MRPL3: variants seen among roughly 807,000 people sequenced by gnomAD.
The protein encoded by MRPL3 is large ribosomal subunit protein uL3m.
Under a neutral mutation model 44.3 loss-of-function variants are expected in MRPL3, and 43 were observed. The ratio of observed to expected loss-of-function variants is 0.97; its 90% CI spans 0.76 to 1.25. MRPL3 has a LOEUF of 1.25. MRPL3 is among the 50% of genes most tolerant of loss of function. MRPL3 has a pLI of 0.00. For synonymous variants in MRPL3, 171 were observed against 152.3 expected, an observed-to-expected ratio of 1.12 and a Z score of -0.91; for missense variants, 406 against 427.6, an observed-to-expected ratio of 0.95 and a Z score of 0.45.
rs1559837992 is a variant in MRPL3, at chr3:131,502,960, GA to G, written c.-140del. The G allele has an allele frequency of 1.3e-6, 1 of 793,704 alleles. No individual in the cohort carries two copies. The highest frequency in any genetic ancestry group is 2.7e-5 in the East Asian group (1 of 36,946). 49.2% of individuals were successfully genotyped at this position (793,704 alleles called of 1,614,324 possible). A position where few individuals can be genotyped will look rare whatever the true frequency, so the allele number is the denominator to read the frequency against. ...ATGGCCGCCGGAACGGTCGCCGGCC[GA>G]TGCTCTCTGCGACGGAAAGAAAGCC... is the stretch of plus-strand genomic sequence containing the variant. On this transcript the variant is annotated 5_prime_UTR_variant, in exon 1 of 10. Transcript: ENST00000264995.
rs56680172 is a variant in MRPL3, at chr3:131,486,444, A to AATT, written c.629+1235_629+1236insAAT. Among the ~76,000 whole-genome samples, 15 of 139,438 alleles carry AATT rather than the reference A, an allele frequency of 1.1e-4. No individual in the cohort carries two copies. The South Asian group carries it at 1.3e-3, about 13-fold the overall frequency. 91.5% of individuals were successfully genotyped at this position (139,438 alleles called of 152,430 possible). Reference sequence around the variant, plus strand: ...AGGCAACCTACAGAATGGGAGAAAAATTTTTTTTTTTTTTTATTATACTCT... The same window carrying AATT: ...AGGCAACCTACAGAATGGGAGAAAAAATTTTTTTTTTTTTTTTTATTATACTCT... On this transcript the variant is annotated intron_variant, in intron 6 of 9. Transcript: ENST00000264995.
At chr3:131,501,926 T>C (rs762545945) in intron 1 of MRPL3, 4 of 1,534,760 alleles carry the variant, frequency 2.6e-6, no homozygotes, top group Middle Eastern at 1.8e-4. Flanking sequence ...GTCGTTACCC[T>C]GGAGAAAAAA....
intron 8 of MRPL3, 138 bp downstream of exon 8, chr3:131,469,558 A>G (rs1383170709): frequency 3.5e-5 from 19 of 546,254 alleles, no homozygotes; most frequent in Non-Finnish European, 6.1e-5. Context: ...ACACACACAC[A>G]ATTCATGTAT....
intron 8 of MRPL3, 78 bp from the exon 9 acceptor site, chr3:131,468,246 T>G (rs915132356): frequency 1.2e-6 from 1 of 800,772 alleles, no homozygotes; most frequent in Non-Finnish European, 2.0e-6. Flanking sequence ...AGGATGTAAG[T>G]TGCTTGTAAA....
At chr3:131,486,451 T>C (rs2110708030) in intron 6 of MRPL3, among the ~76,000 whole-genome samples, 1 of 151,314 alleles carries the variant, frequency 6.6e-6, no homozygotes, top group South Asian at 2.1e-4. Flanking sequence ...AAAATTTTTT[T>C]TTTTTTTTAT....
chr3:131,497,011 G>A (rs1413904114), intron 4 of MRPL3, among the ~76,000 whole-genome samples: 1 of 152,166 alleles, frequency 6.6e-6, no homozygotes, highest in Admixed American at 6.5e-5. Context: ...CATTCTCTCT[G>A]GCATGCCTGT....
chr3:131,492,062 C>T (rs1336808917), intron 4 of MRPL3, among the ~76,000 whole-genome samples: 2 of 152,106 alleles, frequency 1.3e-5, no homozygotes, highest in Non-Finnish European at 2.9e-5. Flanking sequence ...CATCCTATTG[C>T]CTCTGTCTAG....
At chr3:131,474,956 T>C (rs994994762) in intron 6 of MRPL3, among the ~76,000 whole-genome samples, 6 of 151,982 alleles carry the variant, frequency 3.9e-5, no homozygotes, top group Admixed American at 2.0e-4. Context: ...TTTTTAATTT[T>C]TTTTGGTAGA....
intron 6 of MRPL3, among the ~76,000 whole-genome samples, chr3:131,472,898 T>C (rs982775844): frequency 2.0e-5 from 3 of 151,992 alleles, no homozygotes; most frequent in African/African-American, 7.3e-5. Context: ...TGATAAAACA[T>C]TGATGAAAGA....
rs183148343 is a variant in MRPL3, at chr3:131,490,589, T to A, written c.469-509A>T. Among the ~76,000 whole-genome samples the A allele has an allele frequency of 3.0e-4, 46 of 152,348 alleles. No individual in the cohort carries two copies. In the East Asian group the frequency reaches 7.5e-3, roughly 25 times the overall value. Reference sequence around the variant, plus strand: ...TCATTTTCACACTCTATAAGAAAACTAAGTCACATCCTTTTCTAAAATCTT... The same window carrying A: ...TCATTTTCACACTCTATAAGAAAACAAAGTCACATCCTTTTCTAAAATCTT... On this transcript the variant is annotated intron_variant, in intron 4 of 9. Transcript: ENST00000264995.
chr3:131,478,612 A>C (rs1268508676), intron 6 of MRPL3, among the ~76,000 whole-genome samples: 1 of 152,100 alleles, frequency 6.6e-6, no homozygotes, highest in Admixed American at 6.6e-5. Flanking sequence ...CTTCTGCCTC[A>C]AACACCCTTC....
intron 9 of MRPL3, among the ~76,000 whole-genome samples, chr3:131,464,383 C>A (rs1297284539): frequency 1.3e-5 from 2 of 152,060 alleles, no homozygotes; most frequent in Non-Finnish European, 2.9e-5. Context: ...ACATCTCAAC[C>A]ATTTTTGTCT....
intron 4 of MRPL3, among the ~76,000 whole-genome samples, chr3:131,490,937 GC>G (rs1934242350): frequency 6.6e-6 from 1 of 152,152 alleles, no homozygotes; most frequent in Admixed American, 6.5e-5. Flanking sequence ...TTTATTAAAA[GC>G]ACTAATTCCC....
chr3:131,495,746 T>A (rs1031516777), intron 4 of MRPL3, among the ~76,000 whole-genome samples: 16 of 152,208 alleles, frequency 1.1e-4, no homozygotes, highest in Non-Finnish European at 1.9e-4. Flanking sequence ...TTATAACACA[T>A]CTTTATCACT....
At position 131,469,720 on chromosome 3, in the gene MRPL3, T is replaced by C; in HGVS notation, c.792A>G (p.Ile264Met). 1 of 1,612,250 alleles carries C rather than the reference T, an allele frequency of 6.2e-7. No homozygotes were observed. The highest frequency in any genetic ancestry group is 8.5e-7 in the Non-Finnish European group (1 of 1,178,844). ...GTKMPGKMGN[I>M]YRTEYGLKVW... ...CTTTCAGTCCATATTCTGTCCTGTA[T>C]ATGTTTCCCATTTTTCCAGGCATTT... The change falls in exon 8 of 10, where the codon ATA becomes ATG. Residue 264 changes from isoleucine to methionine, a missense_variant. By Grantham distance (10) the Ile-to-Met change is conservative. Transcript: ENST00000264995.
chr3:131,476,000 G>A (rs1664777288), intron 6 of MRPL3, among the ~76,000 whole-genome samples: 1 of 152,178 alleles, frequency 6.6e-6, no homozygotes, highest in Admixed American at 6.5e-5. Context: ...TGGTACTTCT[G>A]TGTTCTTAAA....
intron 4 of MRPL3, among the ~76,000 whole-genome samples, chr3:131,496,293 C>A (rs1934369751): frequency 6.6e-6 from 1 of 152,086 alleles, no homozygotes; most frequent in South Asian, 2.1e-4. Context: ...ATAAATATCT[C>A]ATTGTACTCT....
At chr3:131,489,593 G>A (rs917639310) in intron 5 of MRPL3, among the ~76,000 whole-genome samples, 1 of 152,024 alleles carries the variant, frequency 6.6e-6, no homozygotes, top group South Asian at 2.1e-4. Flanking sequence ...TTTACATTGA[G>A]GTGCTATGGT....
chr3:131,478,767 G>A (rs978636866), intron 6 of MRPL3, among the ~76,000 whole-genome samples: 1 of 148,062 alleles, frequency 6.8e-6, no homozygotes, highest in African/African-American at 2.5e-5. Flanking sequence ...GGAGTATAGC[G>A]GTGTGATCTT....
Sources: allele counts gnomAD v4.1 joint callset (sites outside exome capture counted in the v4.1 genomes callset), GRCh38; gene constraint gnomAD v4.1.1; transcripts MANE v1.5; gene names NCBI Gene and HGNC (gene_info 2026-07-23, HGNC 2026-07-21).